The following TJP2 variants were observed in gnomAD, a reference collection of about 807,000 sequenced individuals.
The protein encoded by TJP2 is tight junction protein 2.
TJP2 carries 91 observed loss-of-function variants against 133.1 expected under a neutral mutation model. The observed-to-expected ratio is 0.68, with a 90% CI of 0.58 to 0.81. The LOEUF (loss-of-function observed/expected upper bound fraction) is 0.81, where lower values mean the gene tolerates loss of function less well. Among genes scored for constraint, TJP2 ranks in the 40% least tolerant of loss-of-function variants. TJP2 has a pLI of 0.00. For missense variants in TJP2, 1,541 were observed against 1,565.6 expected, an observed-to-expected ratio of 0.98 and a Z score of 0.26; for synonymous variants, 592 against 583.4, an observed-to-expected ratio of 1.01 and a Z score of -0.21.
At position 69,249,447 on chromosome 9, in the gene TJP2, A is replaced by G. The variant is rs1166323632; in HGVS notation, c.2953A>G (p.Asn985Asp). Residue 985 changes from asparagine to aspartate, a missense_variant, in exon 20 of 23, where the codon AAT (asparagine) becomes GAT (aspartate). Physicochemically the swap from Asn to Asp is conservative, Grantham distance 23 (BLOSUM62 1). Transcript: ENST00000377245. ...RAASSDQLRD[N>D]SPPPAFKPEP... ...TGCTAGCAGCGATCAACTTAGGGAC[A>G]ATAGCCCGCCCCCAGCATTCAAGCC... The G allele has an allele frequency of 1.2e-6, 2 of 1,610,784 alleles. No homozygotes were observed. The highest frequency in any genetic ancestry group is 2.2e-5 in the East Asian group (1 of 44,810).
intron 17 of TJP2, among the ~76,000 whole-genome samples, chr9:69,241,954 G>A (rs71503656): frequency 0.018 from 2,738 of 152,282 alleles, 28 homozygotes; most frequent in Non-Finnish European, 0.03. Flanking sequence ...TATAAATGAA[G>A]TTAAAACTAT....
intron 7 of TJP2, among the ~76,000 whole-genome samples, chr9:69,227,016 C>G (rs1221687099): frequency 2.0e-5 from 3 of 152,070 alleles, no homozygotes; most frequent in Non-Finnish European, 4.4e-5. Context: ...GTAAAAATTG[C>G]CAATAAAAAT....
chr9:69,205,214 TGAG>T (rs1827304479), intron 1 of TJP2: 3 of 1,537,126 alleles, frequency 2.0e-6, no homozygotes, highest in African/African-American at 1.4e-5. Flanking sequence ...GTTAAAAAGT[TGAG>T]GAGATGGAAA....
intron 1 of TJP2, among the ~76,000 whole-genome samples, chr9:69,139,736 A>T (rs542371399): frequency 2.6e-5 from 4 of 152,338 alleles, no homozygotes; most frequent in African/African-American, 9.6e-5. Context: ...ACCATCTCCC[A>T]TTGATGAGCA....
chr9:69,131,485 T>A (rs972761891), intron 1 of TJP2, among the ~76,000 whole-genome samples: 1 of 152,188 alleles, frequency 6.6e-6, no homozygotes, highest in African/African-American at 2.4e-5. Context: ...CTAATTTGAT[T>A]GTATATTTCA....
intron 2 of TJP2, among the ~76,000 whole-genome samples, chr9:69,167,886 G>T (rs1433353140): frequency 6.7e-6 from 1 of 149,198 alleles, no homozygotes; most frequent in African/African-American, 2.5e-5. Flanking sequence ...AAAAAAAGAA[G>T]AAGAAGAAGA....
intron 1 of TJP2, among the ~76,000 whole-genome samples, chr9:69,201,168 A>G (rs1198831505): frequency 6.6e-6 from 1 of 152,178 alleles, no homozygotes; most frequent in East Asian, 1.9e-4. Flanking sequence ...CCACAGGGCC[A>G]GGTGCATGGT....
In TJP2 at chr9:69,211,323, C is replaced by T. The variant is rs1456892379; in HGVS notation, c.61-1225C>T. Reference sequence around the variant, plus strand: ...CTGTACTCCAGCCTGGGCGACAGAACGAGACTCCGTCTCAAACAAAACAAA... The same window carrying T: ...CTGTACTCCAGCCTGGGCGACAGAATGAGACTCCGTCTCAAACAAAACAAA... On this transcript the variant is annotated intron_variant, in intron 1 of 22. Transcript: ENST00000377245. Among the ~76,000 whole-genome samples, 7 of 152,294 alleles carry T rather than the reference C, an allele frequency of 4.6e-5. No homozygotes were observed. In the South Asian group the frequency reaches 8.3e-4, roughly 18 times the overall value.
chr9:69,157,568 C>T (rs921247154), intron 2 of TJP2, among the ~76,000 whole-genome samples: 8 of 151,772 alleles, frequency 5.3e-5, no homozygotes, highest in African/African-American at 1.9e-4. Flanking sequence ...CGGGTTCAAG[C>T]AATTCTCCTG....
At chr9:69,217,917 C>T (rs1005182042) in intron 3 of TJP2, among the ~76,000 whole-genome samples, 5 of 152,114 alleles carry the variant, frequency 3.3e-5, no homozygotes, top group South Asian at 2.1e-4. Context: ...TGAAGCCCAC[C>T]GTGCACCTCA....
intron 1 of TJP2, among the ~76,000 whole-genome samples, chr9:69,137,284 TTTCTTTCTTTC>T (rs1564372598): frequency 0.016 from 1,479 of 92,262 alleles, 9 homozygotes; most frequent in Non-Finnish European, 0.024. Context: ...TCTTTCTTTC[TTTCTTTCTTTC>T]TTTCTTTTCT....
intron 5 of TJP2, among the ~76,000 whole-genome samples, chr9:69,222,020 C>T (rs551596763): frequency 2.0e-5 from 3 of 151,652 alleles, no homozygotes; most frequent in South Asian, 2.1e-4. Flanking sequence ...CACAGGCGTG[C>T]ACCACCATGC....
At chr9:69,196,754 A>G (rs1826588403) in intron 1 of TJP2, among the ~76,000 whole-genome samples, 3 of 152,164 alleles carry the variant, frequency 2.0e-5, no homozygotes, top group Admixed American at 6.5e-5. Context: ...AGGAAACTGC[A>G]TACCCATTAG....
chr9:69,190,094 A>T lies in TJP2; in HGVS notation c.60+15662A>T, dbSNP rs144427753. On this transcript the variant is annotated intron_variant, in intron 1 of 22. Coordinates refer to ENST00000377245, the MANE Select transcript of TJP2 (RefSeq NM_004817.4). ...CACTGCACTCCAGCCTGGGCAACAG[A>T]GCGAGACTCTGTCTCAAAAAACAAA... 4.0e-5 allele frequency among the ~76,000 whole-genome samples: 6 copies of T among 151,772 alleles called. 1 individual carries two copies. Among genetic ancestry groups the T allele is most frequent in the African/African-American group, 1.5e-4 (6 of 41,296 alleles).
intron 1 of TJP2, among the ~76,000 whole-genome samples, chr9:69,180,127 A>G (rs930301335): frequency 3.9e-5 from 6 of 152,232 alleles, no homozygotes; most frequent in Admixed American, 6.5e-5. Flanking sequence ...ATGGTACTAA[A>G]CACACGAGTT....
chr9:69,156,335 C>G (rs1419822990), intron 2 of TJP2, among the ~76,000 whole-genome samples: 1 of 152,066 alleles, frequency 6.6e-6, no homozygotes, highest in Non-Finnish European at 1.5e-5. Flanking sequence ...GCACTCCAGC[C>G]TGCGCAACAG....
At chr9:69,202,636 C>G (rs111636743) in intron 1 of TJP2, among the ~76,000 whole-genome samples, 1,910 of 152,152 alleles carry the variant, frequency 0.013, 25 homozygotes, top group African/African-American at 0.044. Flanking sequence ...AGAGAAAATA[C>G]ATTTATTACT....
intron 12 of TJP2, among the ~76,000 whole-genome samples, 173 bp from the exon 13 acceptor site, chr9:69,235,855 C>A (rs191570936): frequency 6.6e-6 from 1 of 152,142 alleles, no homozygotes; most frequent in African/African-American, 2.4e-5. Context: ...TGCAGCAAGC[C>A]GTGAAGCTGG....
At chr9:69,158,988 C>T (rs1225322075) in intron 2 of TJP2, among the ~76,000 whole-genome samples, 1 of 151,794 alleles carries the variant, frequency 6.6e-6, no homozygotes, top group Non-Finnish European at 1.5e-5. Flanking sequence ...CACCGCCCCC[C>T]CCCCATCAAA....
Sources: allele counts gnomAD v4.1 joint callset (sites outside exome capture counted in the v4.1 genomes callset), GRCh38; gene constraint gnomAD v4.1.1; transcripts MANE v1.5; gene names NCBI Gene and HGNC (gene_info 2026-07-23, HGNC 2026-07-21).